CPO: variants seen among roughly 807,000 people sequenced by gnomAD.
CPO encodes metallocarboxypeptidase C.
CPO carries 43 observed loss-of-function variants against 41.2 expected under a neutral mutation model. The ratio of observed to expected loss-of-function variants is 1.04; its 90% confidence interval spans 0.82 to 1.35. CPO has a LOEUF of 1.35. Among genes scored for constraint, CPO ranks in the 40% most tolerant of loss-of-function variants. The pLI is 0.00. For missense variants in CPO, 408 were observed against 451.7 expected (o/e 0.90, Z 0.88); for synonymous variants, 178 against 162.7 (o/e 1.09, Z -0.72).
At chr2:206,942,401 A>G (rs2105817342) in intron 1 of CPO, among the ~76,000 whole-genome samples, 1 of 152,146 alleles carries the variant, frequency 6.6e-6, no homozygotes, top group African/African-American at 2.4e-5. Flanking sequence ...TACGTTTTCC[A>G]TGTTAGGCAT....
intron 1 of CPO, among the ~76,000 whole-genome samples, chr2:206,947,418 C>A (rs1198434486): frequency 6.6e-6 from 1 of 152,050 alleles, no homozygotes; most frequent in African/African-American, 2.4e-5. Context: ...GTATCATAGA[C>A]CTGAATAGAA....
chr2:206,958,331 A>G lies in CPO; in HGVS notation c.298A>G (p.Ile100Val). The change falls in exon 4 of 9, where the codon ATC (isoleucine) becomes GTC (valine). Residue 100 changes from isoleucine to valine, a missense_variant. Ile to Val is a conservative substitution (Grantham distance 29). Transcript: ENST00000272852. ...ISQPSGNPKK[I>V]IWMDCGIHAR... ...CCAACCATCTGGTAATCCCAAGAAA[A>G]TCATTTGGATGGACTGTGGAATTCA... 6.3e-7 allele frequency: 1 copy of G among 1,598,730 alleles called. No homozygotes were observed. The highest frequency in any genetic ancestry group is 8.5e-7 in the Non-Finnish European group (1 of 1,172,878).
chr2:206,963,344 T>C (rs1264906541), intron 7 of CPO, among the ~76,000 whole-genome samples: 1 of 152,220 alleles, frequency 6.6e-6, no homozygotes, highest in Non-Finnish European at 1.5e-5. Context: ...TTTTTTTCCG[T>C]TTTAATTGTG....
At chr2:206,965,635 T>A (rs1693558545) in intron 7 of CPO, among the ~76,000 whole-genome samples, 2 of 152,156 alleles carry the variant, frequency 1.3e-5, no homozygotes, top group Admixed American at 1.3e-4. Flanking sequence ...CATCCCAAGC[T>A]CTGCTGCCCC....
chr2:206,951,553 A>C (rs1346716705), intron 2 of CPO, among the ~76,000 whole-genome samples: 3 of 152,218 alleles, frequency 2.0e-5, no homozygotes, highest in South Asian at 4.1e-4. Flanking sequence ...TTTTTCAACA[A>C]GTACAAGAAA....
intron 1 of CPO, among the ~76,000 whole-genome samples, chr2:206,946,623 G>T (rs1412235424): frequency 1.3e-5 from 2 of 151,856 alleles, no homozygotes; most frequent in African/African-American, 2.4e-5. Flanking sequence ...AATAAGACAA[G>T]AAAATAAAAT....
At chr2:206,943,597 G>C (rs1246711796) in intron 1 of CPO, among the ~76,000 whole-genome samples, 1 of 92,222 alleles carries the variant, frequency 1.1e-5, no homozygotes, top group Non-Finnish European at 2.4e-5. Flanking sequence ...ATGTAACAAA[G>C]TCTTCAGGAA....
intron 2 of CPO, among the ~76,000 whole-genome samples, chr2:206,953,261 G>A (rs1485250582): frequency 6.6e-6 from 1 of 152,112 alleles, no homozygotes; most frequent in East Asian, 1.9e-4. Context: ...CTGAGATGAG[G>A]CAAGCCCCTT....
At chr2:206,960,122 C>T (rs773900764) in intron 5 of CPO, among the ~76,000 whole-genome samples, 2 of 152,184 alleles carry the variant, frequency 1.3e-5, no homozygotes, top group Non-Finnish European at 2.9e-5. Flanking sequence ...AATGTATAAA[C>T]ACAAAACCAG....
At chr2:206,940,728 T>C (rs1050484714) in intron 1 of CPO, among the ~76,000 whole-genome samples, 8 of 152,078 alleles carry the variant, frequency 5.3e-5, no homozygotes, top group Non-Finnish European at 1.2e-4. Context: ...ATGAAGTATA[T>C]GTGGTTATAA....
At position 206,955,577 on chromosome 2, in the gene CPO, G is replaced by C; in HGVS notation, c.267+13G>C. Reference sequence around the variant, plus strand: ...GTATTATCTGAAGGTGAGTGAGAAGGCTGAGAATTACCTTACCAGGAGAAT... The same window carrying C: ...GTATTATCTGAAGGTGAGTGAGAAGCCTGAGAATTACCTTACCAGGAGAAT... On this transcript the variant is annotated intron_variant, in intron 3 of 8. Coordinates refer to ENST00000272852, the MANE Select transcript of CPO (RefSeq NM_173077.3). 7.5e-7 allele frequency: 1 copy of C among 1,327,746 alleles called. No individual in the cohort carries two copies. The highest frequency in any genetic ancestry group is 1.1e-6 in the Non-Finnish European group (1 of 917,704). The allele number at this position is 1,327,746 out of a possible 1,614,324, so 82.2% of individuals were successfully genotyped here.
rs1693640703 is a variant in CPO at position 206,969,271 on chromosome 2, T to G, written c.960T>G (p.Val320=). Residue 320 remains valine, a synonymous_variant, in exon 9 of 9, where the codon GTT becomes GTG. Coordinates refer to ENST00000272852, the MANE Select transcript of CPO (RefSeq NM_173077.3). ...ELRDSGTYGF[V]LPEAQIQPTC... is the part of the protein sequence containing the mutation. ...GGGACAGTGGAACATATGGGTTTGT[T>G]CTGCCAGAAGCTCAGATCCAGCCCA... 1.2e-6 allele frequency: 2 copies of G among 1,614,040 alleles called. No homozygotes were observed. Among genetic ancestry groups the G allele is most frequent in the African/African-American group, 2.7e-5 (2 of 74,926 alleles).
At chr2:206,942,045 A>C (rs901446868) in intron 1 of CPO, among the ~76,000 whole-genome samples, 4 of 152,152 alleles carry the variant, frequency 2.6e-5, no homozygotes, top group Non-Finnish European at 5.9e-5. Context: ...ATTATTTATA[A>C]TAGTATAAAA....
intron 8 of CPO, 69 bp downstream of exon 8, chr2:206,968,416 G>A (rs1233137868): frequency 3.5e-6 from 3 of 868,762 alleles, no homozygotes; most frequent in Admixed American, 3.6e-5. Context: ...TTTGGATGGT[G>A]AGATAGGCGG....
chr2:206,941,271 G>A (rs961781223), intron 1 of CPO, among the ~76,000 whole-genome samples: 4 of 151,902 alleles, frequency 2.6e-5, no homozygotes, highest in African/African-American at 9.7e-5. Flanking sequence ...TGTGATATAG[G>A]ACAATGGGAT....
chr2:206,962,672 T>C, intron 7 of CPO, 58 bp downstream of exon 7: 1 of 1,399,924 alleles, frequency 7.1e-7, no homozygotes, highest in Non-Finnish European at 1.0e-6. Context: ...TGCCTTCCTT[T>C]TTCTGATTTC....
At chr2:206,957,375 CAA>C (rs201057516) in intron 3 of CPO, among the ~76,000 whole-genome samples, 30,739 of 101,304 alleles carry the variant, frequency 0.3, 3,469 homozygotes, top group Middle Eastern at 0.4. Context: ...GACTCTGTCT[CAA>C]AAAAAAAAAA....
chr2:206,955,310 G>A (rs758416631), intron 2 of CPO, among the ~76,000 whole-genome samples, 153 bp from the exon 3 acceptor site: 7 of 152,208 alleles, frequency 4.6e-5, no homozygotes, highest in Non-Finnish European at 8.8e-5. Flanking sequence ...GGAAAGATGG[G>A]AGGTTGTTTT....
chr2:206,943,709 TA>T (rs1559068316), intron 1 of CPO, among the ~76,000 whole-genome samples: 11 of 73,580 alleles, frequency 1.5e-4, no homozygotes, highest in Non-Finnish European at 2.2e-4. Flanking sequence ...GATAGATAGA[TA>T]GATAGATGAT....
Sources: gnomAD v4.1 joint callset for allele counts (sites outside exome capture counted in the v4.1 genomes callset) on GRCh38, gnomAD v4.1.1 for gene constraint, MANE v1.5 for transcripts, NCBI Gene and HGNC (gene_info 2026-07-23, HGNC 2026-07-21) for gene names.